The following COL7A1 variants were observed in gnomAD, a reference collection of about 807,000 sequenced individuals.
COL7A1 encodes the protein collagen alpha-1(VII) chain.
A neutral mutation model predicts 456.2 loss-of-function variants in COL7A1; 296 were observed. The ratio of observed to expected loss-of-function variants is 0.65; its 90% confidence interval spans 0.59 to 0.71. COL7A1 has a LOEUF of 0.71. Ranked by LOEUF, COL7A1 falls within the 30% of genes least tolerant of loss-of-function variation. The pLI is 0.00. For synonymous variants in COL7A1, 1,464 were observed against 1,525.9 expected, an observed-to-expected ratio of 0.96 and a Z score of 0.95; for missense variants, 3,441 against 4,017.2, an observed-to-expected ratio of 0.86 and a Z score of 3.88.
Position 48,565,737 on chromosome 3 carries a change from G to A in COL7A1, c.8408-69C>T, listed in dbSNP as rs1453991512. 4.1e-6 allele frequency: 6 copies of A among 1,450,582 alleles called. No homozygotes were observed. The highest frequency in any genetic ancestry group is 2.8e-5 in the African/African-American group (2 of 71,310). 89.9% of individuals were successfully genotyped at this position (1,450,582 alleles called of 1,614,324 possible). On this transcript the variant is annotated intron_variant, in intron 114 of 118. Coordinates refer to ENST00000681320, the MANE Select transcript of COL7A1 (RefSeq NM_000094.4). This position sits in a 1 kb window ranked among gnomAD's most constrained non-coding sequence, Gnocchi z 4.5. ...GGATGGGAAGATGGAGAGACAGACAGAGACACACAGGCAGAGGGGTAGAGA... is the reference window on the plus strand; with the variant it reads ...GGATGGGAAGATGGAGAGACAGACAAAGACACACAGGCAGAGGGGTAGAGA...
Position 48,587,254 on chromosome 3 carries a change from G to A in COL7A1, c.3075C>T (p.Ile1025=), listed in dbSNP as rs1575475714. The A allele has an allele frequency of 3.1e-6, 5 of 1,612,984 alleles. No homozygotes were observed. The African/African-American group carries it at 4.0e-5, about 13-fold the overall frequency. ...VTGLEPGVSY[I]FSLTPVLDGV... ...CATCCAGGACAGGCGTCAGGGAGAA[G>A]ATGTAAGAGACGCCAGGCTCTAGCC... The change falls in exon 24 of 119, where the codon ATC becomes ATT. Residue 1025 remains isoleucine, a synonymous_variant. Coordinates refer to ENST00000681320, the MANE Select transcript of COL7A1 (RefSeq NM_000094.4). This position sits in a 1 kb window ranked among gnomAD's most constrained non-coding sequence, Gnocchi z 6.1.
Position 48,578,635 on chromosome 3 carries a change from G to T in COL7A1, c.5425-120C>A. ...AGGGTAGAGACCCCCAGGACTGAGA[G>T]GTCCCATTGAGATCCCTCAGGCACA... is the stretch of plus-strand genomic sequence containing the variant. On this transcript the variant is annotated intron_variant, in intron 63 of 118. Coordinates refer to ENST00000681320, the MANE Select transcript of COL7A1 (RefSeq NM_000094.4). This position sits in a 1 kb window ranked among gnomAD's most constrained non-coding sequence, Gnocchi z 4.7. 8.4e-7 allele frequency: 1 copy of T among 1,194,166 alleles called. No homozygotes were observed. 74.0% of individuals were successfully genotyped at this position (1,194,166 alleles called of 1,614,324 possible). A position where few individuals can be genotyped will look rare whatever the true frequency, so the allele number is the denominator to read the frequency against.
Position 48,567,500 on chromosome 3 carries a change from C to T in COL7A1, c.8046+74G>A. 1 of 1,597,214 alleles carries T rather than the reference C, an allele frequency of 6.3e-7. No individual in the cohort carries two copies. The highest frequency in any genetic ancestry group is 8.6e-7 in the Non-Finnish European group (1 of 1,164,814). ...TCTACAGCCTTCCTTGTCCCTACAC[C>T]CCCATGACCCGACCATGAGCTTCCC... On this transcript the variant is annotated intron_variant, in intron 109 of 118. Coordinates refer to ENST00000681320, the MANE Select transcript of COL7A1 (RefSeq NM_000094.4). This position sits in a 1 kb window ranked among gnomAD's most constrained non-coding sequence, Gnocchi z 4.3.
In COL7A1 at chr3:48,566,552, C is replaced by A. The variant is rs1306563021; in HGVS notation, c.8316G>T (p.Gly2772=). ...CCTTCTCGCCTCGAGGACCGGCAGG[C>A]CCTGGCCGCCCCTATGTGCAACAGA... ...PGERGEQGRP[G]PAGPRGEKGE... The change falls in exon 113 of 119, where the codon GGG becomes GGT. Residue 2772 remains glycine (G), a synonymous_variant. Coordinates refer to ENST00000681320, the MANE Select transcript of COL7A1 (RefSeq NM_000094.4). The surrounding 1 kb of genome is among the most constrained non-coding windows in gnomAD (Gnocchi z 5.9). The A allele has an allele frequency of 1.9e-6, 3 of 1,614,010 alleles. No homozygotes were observed. Among genetic ancestry groups the A allele is most frequent in the Admixed American group, 1.7e-5 (1 of 60,004 alleles).
At position 48,589,804 on chromosome 3, in the gene COL7A1, C is replaced by T. The variant is rs901417290; in HGVS notation, c.2051-86G>A. 5.7e-6 allele frequency: 9 copies of T among 1,592,888 alleles called. No homozygotes were observed. In the African/African-American group the frequency reaches 1.1e-4, roughly 19 times the overall value. On this transcript the variant is annotated intron_variant, in intron 16 of 118. Coordinates refer to ENST00000681320, the MANE Select transcript of COL7A1 (RefSeq NM_000094.4). The stretch of plus-strand genomic sequence containing the variant: ...ATAGGGGAAGATGATGGGAGTCTAA[C>T]AGGAGACGGGAATTTGATAGAGGAG...
chr3:48,589,852 G>A, intron 16 of COL7A1, 134 bp from the exon 17 acceptor site: 1 of 1,284,462 alleles, frequency 7.8e-7, no homozygotes, highest in Non-Finnish European at 1.1e-6. Context: ...TCCAGTGGAG[G>A]AGTGGGGAGG....
chr3:48,587,115 G>A lies in COL7A1; in HGVS notation c.3140-7C>T. 2 of 1,613,258 alleles carry A rather than the reference G, an allele frequency of 1.2e-6. No homozygotes were observed. Among genetic ancestry groups the A allele is most frequent in the East Asian group, 2.2e-5 (1 of 44,872 alleles). ...GCCAGGCCACGGGGGCACACTGTAG[G>A]AAGGGGAACAAGTTACTGAAGCGGG... is the stretch of plus-strand genomic sequence containing the variant. On this transcript the variant is annotated splice_polypyrimidine_tract_variant and splice_region_variant and intron_variant, in intron 24 of 118. Transcript: ENST00000681320. The surrounding 1 kb of genome is among the most constrained non-coding windows in gnomAD (Gnocchi z 6.1).
rs2045352838 is a variant in COL7A1, at chr3:48,587,435, T to G, written c.2977A>C (p.Arg993=). Residue 993 remains arginine (R), a synonymous_variant, in exon 23 of 119, where the codon AGA becomes CGA. Coordinates refer to ENST00000681320, the MANE Select transcript of COL7A1 (RefSeq NM_000094.4). The surrounding 1 kb of genome is among the most constrained non-coding windows in gnomAD (Gnocchi z 6.1). ...SSYILSWRPL[R]GPGQEVPGSP... Reference sequence around the variant, plus strand: ...TCCCCCTCACCCTGGCCAGGGCCTCTGAGTGGCCGCCAGGATAGGATGTAG... The same window carrying G: ...TCCCCCTCACCCTGGCCAGGGCCTCGGAGTGGCCGCCAGGATAGGATGTAG... The G allele has an allele frequency of 1.2e-6, 2 of 1,613,252 alleles. No individual in the cohort carries two copies. Among genetic ancestry groups the G allele is most frequent in the Non-Finnish European group, 1.7e-6 (2 of 1,179,996 alleles).
chr3:48,592,923 G>T lies in COL7A1; in HGVS notation c.698C>A (p.Ser233Tyr). 1 of 1,613,936 alleles carries T rather than the reference G, an allele frequency of 6.2e-7. No individual in the cohort carries two copies. Among genetic ancestry groups the T allele is most frequent in the East Asian group, 2.2e-5 (1 of 44,870 alleles). ...AGACAGCACCAGGTCTCGTGGAGCA[G>T]AGGTCGAGTCATCCGCTGGGAATGC... The part of the protein sequence containing the change: ...PVTRPPDDST[S>Y]APRDLVLSEP... The change falls in exon 7 of 119, where the codon TCT becomes TAT. Residue 233 changes from serine to tyrosine, a missense_variant. This residue lies in a region of COL7A1 where 913 missense variants were observed against 1,088.2 expected (regional missense o/e 0.84). Coordinates refer to ENST00000681320, the MANE Select transcript of COL7A1 (RefSeq NM_000094.4). This position sits in a 1 kb window ranked among gnomAD's most constrained non-coding sequence, Gnocchi z 7.6.
chr3:48,588,750 CTG>C lies in COL7A1; in HGVS notation c.2477_2478del (p.Thr826ArgfsTer39), dbSNP rs1559427174. 1 of 1,613,906 alleles carries C rather than the reference CTG, an allele frequency of 6.2e-7. No homozygotes were observed. Among genetic ancestry groups the C allele is most frequent in the East Asian group, 2.2e-5 (1 of 44,882 alleles). On this transcript the variant is annotated frameshift_variant, in exon 20 of 119. Coordinates refer to ENST00000681320, the MANE Select transcript of COL7A1 (RefSeq NM_000094.4). LOFTEE classifies it high-confidence loss of function. The surrounding 1 kb of genome is among the most constrained non-coding windows in gnomAD (Gnocchi z 4.6). ...PMRHQILPGN[T>X]DSAEIRGLEG... ...TCGAGACCCCGGATCTCTGCAGAGT[CTG>C]TGTTTCCTGGGAGTATCTGGTGCCT...
chr3:48,578,827 C>A lies in COL7A1; in HGVS notation c.5424+92G>T, dbSNP rs1298144874. 3.1e-5 allele frequency: 42 copies of A among 1,374,686 alleles called. No individual in the cohort carries two copies. The highest frequency in any genetic ancestry group is 8.2e-5 in the South Asian group (6 of 72,966). 85.2% of individuals were successfully genotyped at this position (1,374,686 alleles called of 1,614,324 possible). On this transcript the variant is annotated intron_variant, in intron 63 of 118. Coordinates refer to ENST00000681320, the MANE Select transcript of COL7A1 (RefSeq NM_000094.4). This position sits in a 1 kb window ranked among gnomAD's most constrained non-coding sequence, Gnocchi z 4.7. ...CAAAGGCAAGGCTGAACCGACCCCC[C>A]ACCAACTCTCTCGGATGCTGTGACT...
chr3:48,578,588 G>T lies in COL7A1; in HGVS notation c.5425-73C>A. 6.5e-7 allele frequency: 1 copy of T among 1,538,044 alleles called. No individual in the cohort carries two copies. Among genetic ancestry groups the T allele is most frequent in the Non-Finnish European group, 9.0e-7 (1 of 1,116,330 alleles). On this transcript the variant is annotated intron_variant, in intron 63 of 118. Transcript: ENST00000681320. This position sits in a 1 kb window ranked among gnomAD's most constrained non-coding sequence, Gnocchi z 4.7. Reference sequence around the variant, plus strand: ...TGGGGCACACCCCATGGACTAAGAGGACCCCAAAAAGATCTCCCTCCAGGG... The same window carrying T: ...TGGGGCACACCCCATGGACTAAGAGTACCCCAAAAAGATCTCCCTCCAGGG...
rs1391905073 is a variant in COL7A1, at chr3:48,586,160, A to C, written c.3637T>G (p.Phe1213Val). The change falls in exon 28 of 119, where the codon TTC (phenylalanine) becomes GTC (valine). Residue 1213 changes from phenylalanine to valine, a missense_variant. Phe to Val is a conservative substitution (Grantham distance 50). Around this residue, in one of 3 missense-constraint regions of COL7A1, gnomAD observed 2,084 missense variants for 2,501.3 expected, o/e 0.83. Transcript: ENST00000681320. The surrounding 1 kb of genome is among the most constrained non-coding windows in gnomAD (Gnocchi z 5.1). ...LAPGMDSVQT[F>V]FAVDDGPSLD... ...CTTGGCCCATCATCCACGGCGAAGA[A>C]GGTCTGGACAGAGTCCATACCCGGC... 1 of 1,613,336 alleles carries C rather than the reference A, an allele frequency of 6.2e-7. No individual in the cohort carries two copies. Among genetic ancestry groups the C allele is most frequent in the East Asian group, 2.2e-5 (1 of 44,876 alleles).
Position 48,567,954 on chromosome 3 carries a change from C to G in COL7A1, c.7876-63G>C, listed in dbSNP as rs2043682463. ...CACCTCACTCTGTGACCCCCTTCACCCTGAAACTAACTCTCCAAACAGGCC... is the reference window on the plus strand; with the variant it reads ...CACCTCACTCTGTGACCCCCTTCACGCTGAAACTAACTCTCCAAACAGGCC... On this transcript the variant is annotated intron_variant, in intron 106 of 118. Transcript: ENST00000681320. The surrounding 1 kb of genome is among the most constrained non-coding windows in gnomAD (Gnocchi z 4.3). The G allele has an allele frequency of 1.2e-6, 2 of 1,608,458 alleles. No homozygotes were observed. Among genetic ancestry groups the G allele is most frequent in the Admixed American group, 3.3e-5 (2 of 59,826 alleles).
intron 35 of COL7A1, 62 bp from the exon 36 acceptor site, chr3:48,584,618 C>T (rs1372528056): frequency 6.2e-7 from 1 of 1,611,784 alleles, no homozygotes; most frequent in East Asian, 2.2e-5. Flanking sequence ...TGGAAGAAGC[C>T]CCTAGACATG....
In COL7A1 at chr3:48,574,438, A is replaced by G; in HGVS notation, c.6456+50T>C. 2 of 1,613,694 alleles carry G rather than the reference A, an allele frequency of 1.2e-6. No individual in the cohort carries two copies. The highest frequency in any genetic ancestry group is 1.1e-5 in the South Asian group (1 of 91,060). ...CCCAGCCCTGCACACAGGACAATAC[A>G]TGTGAGAGCCACCTTCTTGCACATG... On this transcript the variant is annotated intron_variant, in intron 79 of 118. Coordinates refer to ENST00000681320, the MANE Select transcript of COL7A1 (RefSeq NM_000094.4). The surrounding 1 kb of genome is among the most constrained non-coding windows in gnomAD (Gnocchi z 5.0).
chr3:48,594,201 A>C lies in COL7A1; in HGVS notation c.266+167T>G, dbSNP rs577505125. ...CAGGGCACGAAGGTTCTACCTAGGG[A>C]ATCCTTACCTCTGTCTCCAAAGGAG... On this transcript the variant is annotated intron_variant, in intron 3 of 118. Transcript: ENST00000681320. This position sits in a 1 kb window ranked among gnomAD's most constrained non-coding sequence, Gnocchi z 5.5. 2.3e-4 allele frequency among the ~76,000 whole-genome samples: 35 copies of C among 152,304 alleles called. No homozygotes were observed. Among genetic ancestry groups the C allele is most frequent in the Non-Finnish European group, 3.5e-4 (24 of 67,998 alleles).
Position 48,573,110 on chromosome 3 carries a change from G to A in COL7A1, c.6715-54C>T, listed in dbSNP as rs371558598. 3.3e-5 allele frequency: 53 copies of A among 1,614,116 alleles called. No homozygotes were observed. In the African/African-American group the frequency reaches 6.0e-4, roughly 18 times the overall value. ...TGACAATGGACACAGGACGACATGA[G>A]AGAACATGGGCCCCAAGGAGTGAAA... On this transcript the variant is annotated intron_variant, in intron 85 of 118. Coordinates refer to ENST00000681320, the MANE Select transcript of COL7A1 (RefSeq NM_000094.4). The surrounding 1 kb of genome is among the most constrained non-coding windows in gnomAD (Gnocchi z 5.5).
Position 48,564,232 on chromosome 3 carries a change from G to T in COL7A1, c.*174C>A. 1 of 778,520 alleles carries T rather than the reference G, an allele frequency of 1.3e-6. No individual in the cohort carries two copies. Among genetic ancestry groups the T allele is most frequent in the Non-Finnish European group, 2.2e-6 (1 of 459,382 alleles). 48.2% of individuals were successfully genotyped at this position (778,520 alleles called of 1,614,324 possible). A position where few individuals can be genotyped will look rare whatever the true frequency, so the allele number is the denominator to read the frequency against. Reference sequence around the variant, plus strand: ...CAGGGTGGCAGGAGCCACAATGGGGGTTTGTCCACAGGGGGGAAGGCTAGA... The same window carrying T: ...CAGGGTGGCAGGAGCCACAATGGGGTTTTGTCCACAGGGGGGAAGGCTAGA... On this transcript the variant is annotated 3_prime_UTR_variant, in exon 119 of 119. Transcript: ENST00000681320. This position sits in a 1 kb window ranked among gnomAD's most constrained non-coding sequence, Gnocchi z 6.0.
Sources: gnomAD v4.1 joint callset for allele counts (sites outside exome capture counted in the v4.1 genomes callset) on GRCh38, gnomAD v4.1.1 for gene constraint, gnomAD v4.1.1 regional missense constraint, Gnocchi (gnomAD v3.1) non-coding constraint, MANE v1.5 for transcripts, NCBI Gene and HGNC (gene_info 2026-07-23, HGNC 2026-07-21) for gene names.